TOX2: variants seen among roughly 807,000 people sequenced by gnomAD.
TOX2 encodes TOX high mobility group box family member 2.
In TOX2, 15 loss-of-function variants were observed where a neutral mutation model predicts 47.4. That is an observed-to-expected ratio of 0.32 (90% CI 0.21 to 0.49). The LOEUF is 0.49. Among genes scored for constraint, TOX2 ranks in the 20% least tolerant of loss-of-function variants. The probability of loss-of-function intolerance (pLI) is 0.99; values close to 1 mark genes in which losing one functional copy is unlikely to be tolerated. For synonymous variants in TOX2, 290 were observed against 296.6 expected (o/e 0.98, Z 0.23); for missense variants, 622 against 673.1 (o/e 0.92, Z 0.84).
At chr20:44,028,858 G>A (rs985300343) in intron 3 of TOX2, among the ~76,000 whole-genome samples, 3 of 152,164 alleles carry the variant, frequency 2.0e-5, no homozygotes, top group Non-Finnish European at 4.4e-5. Flanking sequence ...GTGACCAAGG[G>A]CAGCCAGTTC....
At chr20:43,953,898 T>C (rs1006662568) in intron 1 of TOX2, among the ~76,000 whole-genome samples, 3 of 152,194 alleles carry the variant, frequency 2.0e-5, no homozygotes, top group African/African-American at 7.2e-5. Flanking sequence ...AAGTCAACTC[T>C]ATGCCAGACA....
chr20:43,943,402 C>T (rs1488274566), intron 1 of TOX2, among the ~76,000 whole-genome samples: 2 of 152,202 alleles, frequency 1.3e-5, no homozygotes, highest in African/African-American at 2.4e-5. Flanking sequence ...TAAAATGCCT[C>T]ATTCCTTATC....
At chr20:44,028,186 C>T (rs2071094355) in intron 3 of TOX2, among the ~76,000 whole-genome samples, 1 of 152,130 alleles carries the variant, frequency 6.6e-6, no homozygotes, top group Non-Finnish European at 1.5e-5. Flanking sequence ...GGGAAGGCCT[C>T]CTGAAGGCAA....
At chr20:43,980,940 A>G (rs1159369362) in intron 2 of TOX2, among the ~76,000 whole-genome samples, 3 of 152,240 alleles carry the variant, frequency 2.0e-5, no homozygotes, top group African/African-American at 7.2e-5. Flanking sequence ...GAATATTTTC[A>G]ACTTACACCA....
intron 4 of TOX2, among the ~76,000 whole-genome samples, chr20:44,053,574 CAT>C (rs200473534): frequency 1.2e-4 from 17 of 136,118 alleles, no homozygotes; most frequent in Middle Eastern, 3.7e-3. Flanking sequence ...TATACACACA[CAT>C]ATATATACTA....
At chr20:43,924,260 T>C (rs982327597) in intron 1 of TOX2, among the ~76,000 whole-genome samples, 1 of 152,202 alleles carries the variant, frequency 6.6e-6, no homozygotes, top group Non-Finnish European at 1.5e-5. Context: ...TTCTTCTTTG[T>C]CTCATGAAGT....
At chr20:44,030,491 C>T (rs567875714) in intron 3 of TOX2, among the ~76,000 whole-genome samples, 1 of 152,332 alleles carries the variant, frequency 6.6e-6, no homozygotes, top group East Asian at 1.9e-4. Flanking sequence ...CAGCCTGGCC[C>T]CTGCCTGTGA....
intron 1 of TOX2, among the ~76,000 whole-genome samples, chr20:43,951,707 G>GGTTTGTTTTT (rs745489872): frequency 5.4e-5 from 3 of 55,098 alleles, no homozygotes; most frequent in African/African-American, 1.6e-4. Flanking sequence ...AACTTATTAT[G>GGTTTGTTTTT]TTTTTTTTTT....
At chr20:43,953,590 G>A (rs917334674) in intron 1 of TOX2, among the ~76,000 whole-genome samples, 2 of 152,212 alleles carry the variant, frequency 1.3e-5, no homozygotes, top group Admixed American at 1.3e-4. Context: ...GGCAAGGTCA[G>A]TGTAAAGGAC....
At chr20:43,926,326 A>C (rs904465050) in intron 1 of TOX2, among the ~76,000 whole-genome samples, 7 of 152,038 alleles carry the variant, frequency 4.6e-5, no homozygotes, top group African/African-American at 1.7e-4. Flanking sequence ...GTTCATTTTT[A>C]TGCAAATCCA....
intron 2 of TOX2, among the ~76,000 whole-genome samples, chr20:43,989,436 C>G (rs2070329674): frequency 6.6e-6 from 1 of 152,154 alleles, no homozygotes; most frequent in African/African-American, 2.4e-5. Flanking sequence ...CAGAATCACA[C>G]AGTCGTTAAG....
chr20:43,985,548 A>G (rs2070248762), intron 2 of TOX2, among the ~76,000 whole-genome samples: 1 of 152,250 alleles, frequency 6.6e-6, no homozygotes, highest in South Asian at 2.1e-4. Context: ...CCTCAGAGTG[A>G]TGCAGAAGTA....
At chr20:43,939,612 T>C (rs2069374511) in intron 1 of TOX2, among the ~76,000 whole-genome samples, 1 of 152,106 alleles carries the variant, frequency 6.6e-6, no homozygotes, top group Admixed American at 6.5e-5. Flanking sequence ...TGCGGTGAGG[T>C]TGGAAGATAA....
chr20:43,941,395 C>T (rs962204053), intron 1 of TOX2, among the ~76,000 whole-genome samples: 1 of 151,070 alleles, frequency 6.6e-6, no homozygotes, highest in African/African-American at 2.4e-5. Context: ...TACAATGGCG[C>T]GATCTCGGCT....
At chr20:43,956,561 A>T (rs1481320312) in intron 1 of TOX2, among the ~76,000 whole-genome samples, 3 of 70,100 alleles carry the variant, frequency 4.3e-5, no homozygotes, top group Admixed American at 1.9e-4. Flanking sequence ...TCTATCTTTA[A>T]AAAAAAAAAA....
intron 4 of TOX2, among the ~76,000 whole-genome samples, chr20:44,053,439 T>TACAC (rs111951284): frequency 0.017 from 2,414 of 143,094 alleles, 53 homozygotes; most frequent in African/African-American, 0.052. Flanking sequence ...GGCAGATATA[T>TACAC]ACACACACAC....
At chr20:43,917,468 C>G (rs755044083) in intron 1 of TOX2, among the ~76,000 whole-genome samples, 1 of 152,176 alleles carries the variant, frequency 6.6e-6, no homozygotes, top group Non-Finnish European at 1.5e-5. Context: ...GGTGGACACA[C>G]CCACACATGG....
rs534852568 is a variant in TOX2, at chr20:44,050,262, C to T, written c.412-1044C>T. The stretch of plus-strand genomic sequence containing the variant: ...GCAGCAATTATGAATCTTTAAAATG[C>T]GGAGGAAGGGATAGCTAAAGACAAA... On this transcript the variant is annotated intron_variant, in intron 3 of 8. Coordinates refer to ENST00000341197, the MANE Select transcript of TOX2 (RefSeq NM_001098797.2). Among the ~76,000 whole-genome samples, 19 of 152,020 alleles carry T rather than the reference C, an allele frequency of 1.2e-4. No homozygotes were observed. In the South Asian group the frequency reaches 3.3e-3, roughly 27 times the overall value.
chr20:43,921,790 C>A lies in TOX2; in HGVS notation c.99+6800C>A, dbSNP rs56938381. 5.5e-3 allele frequency among the ~76,000 whole-genome samples: 840 copies of A among 152,288 alleles called. 10 individuals carry two copies. Among genetic ancestry groups the A allele is most frequent in the African/African-American group, 0.019 (796 of 41,550 alleles). On this transcript the variant is annotated intron_variant, in intron 1 of 8. Transcript: ENST00000341197. ...CCTTCTGCTTTGGCCTCTCGAAGCGCTGGGACTGCAGGCATGAGCCACCAC... is the reference window on the plus strand; with the variant it reads ...CCTTCTGCTTTGGCCTCTCGAAGCGATGGGACTGCAGGCATGAGCCACCAC...
Sources: allele counts gnomAD v4.1 joint callset (sites outside exome capture counted in the v4.1 genomes callset), GRCh38; gene constraint gnomAD v4.1.1; transcripts MANE v1.5; gene names NCBI Gene and HGNC (gene_info 2026-07-23, HGNC 2026-07-21).